LIM2: variants seen among roughly 807,000 people sequenced by gnomAD.
LIM2 encodes lens fiber membrane intrinsic protein.
A neutral mutation model predicts 19.0 loss-of-function variants in LIM2; 14 were observed. The ratio of observed to expected loss-of-function variants is 0.74; its 90% CI spans 0.49 to 1.15. LIM2 has a LOEUF of 1.15. Among genes scored for constraint, LIM2 ranks in the 50% most tolerant of loss-of-function variants. The pLI, the probability that LIM2 is intolerant of heterozygous loss-of-function variation, is 0.00. For synonymous variants in LIM2, 78 were observed against 89.6 expected, an observed-to-expected ratio of 0.87 and a Z score of 0.73; for missense variants, 230 against 243.5, an observed-to-expected ratio of 0.94 and a Z score of 0.37.
At chr19:51,385,837 C>T (rs947970024) in intron 2 of LIM2, among the ~76,000 whole-genome samples, 24 of 152,142 alleles carry the variant, frequency 1.6e-4, no homozygotes, top group African/African-American at 5.8e-4. Context: ...GGGCTGGCTC[C>T]GGGAGAGATG....
At chr19:51,385,562 C>T (rs75685070) in intron 2 of LIM2, among the ~76,000 whole-genome samples, 21 of 152,090 alleles carry the variant, frequency 1.4e-4, no homozygotes, top group African/African-American at 4.6e-4. Context: ...AACGAAAAAA[C>T]GAAAGACCTT....
chr19:51,387,131 A>G (rs1197624281), intron 2 of LIM2, 138 bp downstream of exon 2: 1 of 1,531,962 alleles, frequency 6.5e-7, no homozygotes, highest in Non-Finnish European at 9.0e-7. Context: ...TGCCCCCTCC[A>G]TGCTGAGTGA....
intron 2 of LIM2, among the ~76,000 whole-genome samples, chr19:51,385,651 C>T (rs1394774364): frequency 3.3e-5 from 5 of 152,222 alleles, no homozygotes; most frequent in Admixed American, 6.5e-5. Flanking sequence ...CGGGGAATTC[C>T]CAGCCCGAAG....
At chr19:51,387,138 G>C in intron 2 of LIM2, 131 bp downstream of exon 2, 1 of 1,562,138 alleles carries the variant, frequency 6.4e-7, no homozygotes, top group South Asian at 1.1e-5. Context: ...TCCATGCTGA[G>C]TGACCTTGGG....
At chr19:51,380,453 T>A (rs1316599702) in intron 4 of LIM2, 52 bp downstream of exon 4, 3 of 1,612,656 alleles carry the variant, frequency 1.9e-6, no homozygotes, top group Non-Finnish European at 2.5e-6. Flanking sequence ...CCACTCTATC[T>A]GCTGCCCACT....
At chr19:51,383,961 A>C (rs1986966214) in intron 2 of LIM2, among the ~76,000 whole-genome samples, 1 of 152,152 alleles carries the variant, frequency 6.6e-6, no homozygotes, top group Non-Finnish European at 1.5e-5. Context: ...CGGTGAGAGA[A>C]ATTCCTGGCT....
chr19:51,381,504 C>T (rs543707693), intron 3 of LIM2, among the ~76,000 whole-genome samples: 2 of 152,230 alleles, frequency 1.3e-5, no homozygotes, highest in Admixed American at 6.5e-5. Context: ...AGCTCAGTGG[C>T]GCTCCCTATT....
chr19:51,380,599 G>C lies in LIM2; in HGVS notation c.366C>G (p.Val122=). ...VVLALAIYTG[V]TVSFLGRRFG... The stretch of plus-strand genomic sequence containing the variant: ...AGCGGCGGCCCAGGAAGCTGACGGT[G>C]ACTCCAGTGTAGATGGCCAAGGCCA... The change falls in exon 4 of 5, where the codon GTC becomes GTG. Residue 122 remains valine, a synonymous_variant. Coordinates refer to ENST00000596399, the MANE Select transcript of LIM2 (RefSeq NM_001161748.2). The C allele has an allele frequency of 6.2e-7, 1 of 1,614,192 alleles. No individual in the cohort carries two copies. Among genetic ancestry groups the C allele is most frequent in the Non-Finnish European group, 8.5e-7 (1 of 1,180,040 alleles).
At chr19:51,384,696 C>T (rs1175428100) in intron 2 of LIM2, among the ~76,000 whole-genome samples, 1 of 152,116 alleles carries the variant, frequency 6.6e-6, no homozygotes, top group Non-Finnish European at 1.5e-5. Flanking sequence ...TGAGACAACA[C>T]GTTTCTGTTG....
intron 2 of LIM2, among the ~76,000 whole-genome samples, chr19:51,384,299 T>C (rs1428720785): frequency 3.9e-5 from 6 of 152,056 alleles, no homozygotes; most frequent in Non-Finnish European, 8.8e-5. Context: ...GGCTTGGTGG[T>C]GGGCACCTGT....
At chr19:51,387,122 G>T (rs1037320834) in intron 2 of LIM2, 147 bp downstream of exon 2, 8 of 1,459,632 alleles carry the variant, frequency 5.5e-6, no homozygotes, top group Non-Finnish European at 6.7e-6. Flanking sequence ...TCCCAGTTCT[G>T]CCCCCTCCAT....
chr19:51,380,409 G>T (rs1156934873), intron 4 of LIM2, 96 bp downstream of exon 4: 2 of 1,590,724 alleles, frequency 1.3e-6, no homozygotes, highest in Non-Finnish European at 1.7e-6. Flanking sequence ...CTGACCCAGT[G>T]CTGTGGGACT....
At chr19:51,387,520 G>A in intron 1 of LIM2, 71 bp from the exon 2 acceptor site, 7 of 1,598,620 alleles carry the variant, frequency 4.4e-6, no homozygotes, top group Non-Finnish European at 6.0e-6. Context: ...TGGGGGGAGA[G>A]AGGGCTCAGG....
chr19:51,380,433 C>T (rs560411282), intron 4 of LIM2, 72 bp downstream of exon 4: 1 of 1,609,294 alleles, frequency 6.2e-7, no homozygotes, highest in Non-Finnish European at 8.5e-7. Context: ...GTGGGACACC[C>T]TGTCATCTTC....
rs1245952641 is a variant in LIM2, at chr19:51,382,321, G to C, written c.325+97C>G. The C allele has an allele frequency of 5.7e-6, 8 of 1,411,866 alleles. No homozygotes were observed. In the East Asian group the frequency reaches 1.8e-4, roughly 32 times the overall value. 87.5% of individuals were successfully genotyped at this position (1,411,866 alleles called of 1,614,324 possible). A position where few individuals can be genotyped will look rare whatever the true frequency, so the allele number is the denominator to read the frequency against. On this transcript the variant is annotated intron_variant, in intron 3 of 4. Transcript: ENST00000596399. ...AGGGTGGGGTGGGGTTGAGTGTGAG[G>C]AGGAGTAAGGGGTGAGAATGGTGTT...
Position 51,382,510 on chromosome 19 carries a change from CCGGA to C in LIM2, c.229_232del (p.Ser77AlafsTer72), listed in dbSNP as rs1986921568. Reference sequence around the variant, plus strand: ...GAAGGCCATGATGCCCATGATGATGCCGGAGATGGCGCATAGGGCAGACAGGATC... The same window carrying C: ...GAAGGCCATGATGCCCATGATGATGCGATGGCGCATAGGGCAGACAGGATC... On this transcript the variant is annotated frameshift_variant, in exon 3 of 5. Transcript: ENST00000596399. LOFTEE classifies it high-confidence loss of function. The C allele has an allele frequency of 6.2e-7, 1 of 1,613,724 alleles. No individual in the cohort carries two copies. Among genetic ancestry groups the C allele is most frequent in the Admixed American group, 1.7e-5 (1 of 59,962 alleles).
intron 2 of LIM2, among the ~76,000 whole-genome samples, chr19:51,383,027 CTTT>C (rs1163859181): frequency 0.012 from 1,033 of 88,174 alleles, 3 homozygotes; most frequent in African/African-American, 0.037. Flanking sequence ...TTTTTCTTTT[CTTT>C]TTTTTTTTTT....
chr19:51,380,136 C>CGCT lies in LIM2; in HGVS notation c.*64_*65insAGC, dbSNP rs931367950. 166 of 1,485,034 alleles carry CGCT rather than the reference C, an allele frequency of 1.1e-4. No individual in the cohort carries two copies. Among genetic ancestry groups the CGCT allele is most frequent in the Admixed American group, 1.6e-4 (9 of 56,974 alleles). The allele number at this position is 1,485,034 out of a possible 1,614,324, so 92.0% of individuals were successfully genotyped here. A position where few individuals can be genotyped will look rare whatever the true frequency, so the allele number is the denominator to read the frequency against. ...GGAACCAGGATTTCAGGCCTCTAGA[C>CGCT]CCTCCTCCTCCTCTTCAGTGGCCTC... On this transcript the variant is annotated 3_prime_UTR_variant, in exon 5 of 5. Coordinates refer to ENST00000596399, the MANE Select transcript of LIM2 (RefSeq NM_001161748.2).
intron 2 of LIM2, among the ~76,000 whole-genome samples, chr19:51,385,470 C>T (rs1438315284): frequency 2.0e-5 from 3 of 152,146 alleles, no homozygotes; most frequent in African/African-American, 2.4e-5. Context: ...TACAGTGAGC[C>T]GAGATAGTGC....
Sources: allele counts gnomAD v4.1 joint callset (sites outside exome capture counted in the v4.1 genomes callset), GRCh38; gene constraint gnomAD v4.1.1; transcripts MANE v1.5; gene names NCBI Gene and HGNC (gene_info 2026-07-23, HGNC 2026-07-21).